Variants in NBR1 observed in about 807,000 individuals in gnomAD.
NBR1 encodes the protein NBR1 autophagy cargo receptor, also known as next to BRCA1 gene 1 protein.
In NBR1, 59 loss-of-function variants were observed where a neutral mutation model predicts 115.5. The observed-to-expected ratio is 0.51, with a 90% CI of 0.41 to 0.63. The LOEUF is 0.63. Among genes scored for constraint, NBR1 ranks in the 30% least tolerant of loss-of-function variants. The pLI, the probability that NBR1 is intolerant of heterozygous loss-of-function variation, is 0.00. For synonymous variants in NBR1, 373 were observed against 414.7 expected, an observed-to-expected ratio of 0.90 and a Z score of 1.22; for missense variants, 1,043 against 1,150.5, an observed-to-expected ratio of 0.91 and a Z score of 1.35.
chr17:43,199,910 T>C (rs1209911763), intron 16 of NBR1, among the ~76,000 whole-genome samples: 2 of 152,228 alleles, frequency 1.3e-5, no homozygotes, highest in Non-Finnish European at 2.9e-5. Flanking sequence ...TGCCTCCTTT[T>C]ATGATTCATA....
intron 16 of NBR1, among the ~76,000 whole-genome samples, chr17:43,199,464 TC>T (rs1205058584): frequency 1.3e-5 from 2 of 151,876 alleles, no homozygotes; most frequent in East Asian, 3.9e-4. Context: ...ACCTCCGCCT[TC>T]CCAGGTTCAC....
chr17:43,179,283 GC>G (rs2056604105), intron 3 of NBR1, 110 bp from the exon 4 acceptor site: 4 of 905,414 alleles, frequency 4.4e-6, no homozygotes, highest in Non-Finnish European at 7.1e-6. Flanking sequence ...ATATGGAAAA[GC>G]TGAACGCTTG....
Position 43,203,704 on chromosome 17 carries a change from C to G in NBR1, c.2645C>G (p.Ala882Gly). The G allele has an allele frequency of 6.2e-7, 1 of 1,609,948 alleles. No individual in the cohort carries two copies. Among genetic ancestry groups the G allele is most frequent in the Non-Finnish European group, 8.5e-7 (1 of 1,177,842 alleles). The change falls in exon 20 of 21, where the codon GCT becomes GGT. Residue 882 changes from alanine to glycine, a missense_variant. By Grantham distance (60) the Ala-to-Gly change is moderately conservative. Transcript: ENST00000590996. ...AGGCACCATCATGGGAGCAGCATTG[C>G]TGGAGGACTGGTGAAGGGGGCTTTG... ...HSRHHHGSSI[A>G]GGLVKGALSV...
In NBR1 at chr17:43,210,664, A is replaced by G. The variant is rs2057401039; in HGVS notation, c.*590A>G. 5.0e-6 allele frequency: 2 copies of G among 398,468 alleles called. No individual in the cohort carries two copies. The highest frequency in any genetic ancestry group is 1.3e-4 in the South Asian group (1 of 7,864). 24.7% of individuals were successfully genotyped at this position (398,468 alleles called of 1,614,324 possible). On this transcript the variant is annotated 3_prime_UTR_variant, in exon 21 of 21. Transcript: ENST00000590996. ...GGCACCGTTGCTTTCTAAAGACTCC[A>G]TGGTGCATTCAAGAGTATCCAACTT... is the stretch of plus-strand genomic sequence containing the variant.
At chr17:43,177,825 G>A in intron 2 of NBR1, 111 bp from the exon 3 acceptor site, 1 of 946,324 alleles carries the variant, frequency 1.1e-6, no homozygotes, top group Non-Finnish European at 1.4e-6. Flanking sequence ...TTAACCCTTT[G>A]TTATGGGTTA....
chr17:43,196,976 C>T lies in NBR1; in HGVS notation c.1896C>T (p.Asn632=). 1 of 1,614,018 alleles carries T rather than the reference C, an allele frequency of 6.2e-7. No individual in the cohort carries two copies. The highest frequency in any genetic ancestry group is 8.5e-7 in the Non-Finnish European group (1 of 1,179,888). The change falls in exon 16 of 21, where the codon AAC becomes AAT. Residue 632 remains asparagine, a synonymous_variant. Transcript: ENST00000590996. ...TGTCAGTAAAGAGGAAGGCTGAGAA[C>T]ATTGCTTCTGTGGAGGAAGCAGAAG... ...SMVSVKRKAE[N]IASVEEAEED...
At position 43,180,811 on chromosome 17, in the gene NBR1, G is replaced by A. The variant is rs775016973; in HGVS notation, c.201G>A (p.Ala67=). The A allele has an allele frequency of 6.9e-6, 10 of 1,448,340 alleles. No individual in the cohort carries two copies. The highest frequency in any genetic ancestry group is 1.5e-5 in the African/African-American group (1 of 67,676). 89.7% of individuals were successfully genotyped at this position (1,448,340 alleles called of 1,614,324 possible). ...SINSQGEYEE[A]LKMAVKQGNQ... ...TTCTTTTAGGAGAATATGAAGAAGCGCTTAAGGTAATGATTATTTAATCTC... is the reference window on the plus strand; with the variant it reads ...TTCTTTTAGGAGAATATGAAGAAGCACTTAAGGTAATGATTATTTAATCTC... Residue 67 remains alanine, a synonymous_variant, in exon 5 of 21, where the codon GCG becomes GCA. Coordinates refer to ENST00000590996, the MANE Select transcript of NBR1 (RefSeq NM_005899.5).
At chr17:43,175,922 T>G (rs755497364) in intron 2 of NBR1, 21 bp downstream of exon 2, 2 of 1,380,352 alleles carry the variant, frequency 1.4e-6, no homozygotes, top group Non-Finnish European at 2.1e-6. Flanking sequence ...CTTTATTTTG[T>G]TTCTCCTTGG....
At chr17:43,180,749 G>A in intron 4 of NBR1, 46 bp from the exon 5 acceptor site, 1 of 1,413,278 alleles carries the variant, frequency 7.1e-7, no homozygotes, top group South Asian at 1.6e-5. Context: ...AGAATCTTTT[G>A]GGGTGTGTGA....
At position 43,202,678 on chromosome 17, in the gene NBR1, G is replaced by T. The variant is rs867311102; in HGVS notation, c.2587G>T (p.Val863Leu). The T allele has an allele frequency of 6.3e-7, 1 of 1,577,930 alleles. No individual in the cohort carries two copies. The change falls in exon 19 of 21, where the codon GTA becomes TTA. Residue 863 changes from valine to leucine, a missense_variant. By Grantham distance (32) the Val-to-Leu change is conservative. Coordinates refer to ENST00000590996, the MANE Select transcript of NBR1 (RefSeq NM_005899.5). ...RGEPRGSSGLVNSRQKSYDHS... is the reference protein window; with the variant it reads ...RGEPRGSSGLLNSRQKSYDHS... ...AGAGCCCAGAGGCTCATCAGGACTT[G>T]TAAACAGCAGACAGAAGAGCTATGA...
intron 4 of NBR1, among the ~76,000 whole-genome samples, chr17:43,180,421 C>T (rs1211589296): frequency 1.3e-5 from 2 of 152,080 alleles, no homozygotes; most frequent in Non-Finnish European, 2.9e-5. Flanking sequence ...AAAAATGTGG[C>T]ATTATAATCT....
chr17:43,203,712 C>G lies in NBR1; in HGVS notation c.2653C>G (p.Leu885Val). The change falls in exon 20 of 21, where the codon CTG becomes GTG. Residue 885 changes from leucine (L) to valine (V), a missense_variant. Physicochemically the swap from Leu to Val is conservative, Grantham distance 32. Coordinates refer to ENST00000590996, the MANE Select transcript of NBR1 (RefSeq NM_005899.5). Reference protein sequence around the residue: ...HHHGSSIAGGLVKGALSVAAS... With the variant: ...HHHGSSIAGGVVKGALSVAAS... ...TCATGGGAGCAGCATTGCTGGAGGA[C>G]TGGTGAAGGGGGCTTTGTCTGTTGC... 1.2e-6 allele frequency: 2 copies of G among 1,610,486 alleles called. No individual in the cohort carries two copies. Among genetic ancestry groups the G allele is most frequent in the Non-Finnish European group, 1.7e-6 (2 of 1,178,162 alleles).
chr17:43,197,319 T>A (rs34982101), intron 16 of NBR1, among the ~76,000 whole-genome samples: 48,767 of 151,910 alleles, frequency 0.32, 8,158 homozygotes, highest in South Asian at 0.5. Context: ...GGAGATCAAG[T>A]CCATCCTGGC....
intron 1 of NBR1, among the ~76,000 whole-genome samples, chr17:43,171,677 T>C (rs1338208343): frequency 6.6e-6 from 1 of 152,146 alleles, no homozygotes; most frequent in Non-Finnish European, 1.5e-5. Context: ...AGTAAAAAAA[T>C]GACACTACTT....
At chr17:43,181,525 G>A (rs1323075595) in intron 5 of NBR1, among the ~76,000 whole-genome samples, 1 of 31,392 alleles carries the variant, frequency 3.2e-5, no homozygotes, top group Admixed American at 7.6e-4. Flanking sequence ...CAAAACAGCC[G>A]GGCGTGGGCG....
chr17:43,185,253 G>A (rs1056425507), intron 5 of NBR1, among the ~76,000 whole-genome samples: 1 of 151,974 alleles, frequency 6.6e-6, no homozygotes, highest in Admixed American at 6.6e-5. Flanking sequence ...GTTCATGACC[G>A]GCCTGGGTAA....
rs923802747 is a variant in NBR1 at position 43,194,475 on chromosome 17, A to T, written c.1650A>T (p.Pro550=). 5 of 1,614,010 alleles carry T rather than the reference A, an allele frequency of 3.1e-6. No homozygotes were observed. Among genetic ancestry groups the T allele is most frequent in the Non-Finnish European group, 4.2e-6 (5 of 1,179,876 alleles). ...NVASERELYI[P]SVDLLTAQDL... Reference sequence around the variant, plus strand: ...CCAGTGAGAGGGAGCTCTACATCCCATCTGTGGATCTTCTGACTGCCCAGG... The same window carrying T: ...CCAGTGAGAGGGAGCTCTACATCCCTTCTGTGGATCTTCTGACTGCCCAGG... The change falls in exon 13 of 21, where the codon CCA becomes CCT. Residue 550 remains proline (P), a synonymous_variant. Coordinates refer to ENST00000590996, the MANE Select transcript of NBR1 (RefSeq NM_005899.5).
chr17:43,195,286 T>A, intron 14 of NBR1: 1 of 470,492 alleles, frequency 2.1e-6, no homozygotes, highest in East Asian at 4.4e-5. Context: ...GAGGATCACT[T>A]GAGGCCAGGG....
chr17:43,188,640 G>T (rs956578317), intron 6 of NBR1, among the ~76,000 whole-genome samples: 2 of 152,140 alleles, frequency 1.3e-5, no homozygotes, highest in Non-Finnish European at 2.9e-5. Context: ...TTTTGTATAA[G>T]GTGTAAGGAA....
Sources: allele counts gnomAD v4.1 joint callset (sites outside exome capture counted in the v4.1 genomes callset), GRCh38; gene constraint gnomAD v4.1.1; transcripts MANE v1.5; gene names NCBI Gene and HGNC (gene_info 2026-07-23, HGNC 2026-07-21).